R3HDM1: variants seen among roughly 807,000 people sequenced by gnomAD.
The protein encoded by R3HDM1 is R3H domain containing 1.
In R3HDM1, 46 loss-of-function variants were observed where a neutral mutation model predicts 141.1. That is an observed-to-expected ratio of 0.33 (90% confidence interval 0.26 to 0.42). The LOEUF (loss-of-function observed/expected upper bound fraction) is 0.42, where lower values mean the gene tolerates loss of function less well. R3HDM1 is among the 10% of genes least tolerant of loss of function. The pLI is 1.00. For missense variants in R3HDM1, 1,184 were observed against 1,368.3 expected (o/e 0.87, Z 2.12); for synonymous variants, 435 against 472.9 (o/e 0.92, Z 1.04).
chr2:135,710,007 C>A, intron 22 of R3HDM1, 52 bp from the exon 23 acceptor site: 1 of 1,529,192 alleles, frequency 6.5e-7, no homozygotes. Context: ...TCAGAAACAC[C>A]AACTAGTTGC....
At chr2:135,628,610 CCTTT>C (rs2062294290) in intron 7 of R3HDM1, among the ~76,000 whole-genome samples, 1 of 152,028 alleles carries the variant, frequency 6.6e-6, no homozygotes, top group Non-Finnish European at 1.5e-5. Context: ...TAAGTTGCCT[CCTTT>C]CTTGTTTGTT....
intron 18 of R3HDM1, among the ~76,000 whole-genome samples, chr2:135,657,651 A>G (rs986407587): frequency 6.6e-6 from 1 of 152,048 alleles, no homozygotes; most frequent in Non-Finnish European, 1.5e-5. Flanking sequence ...ATCTCCACAG[A>G]TCTCTGTTCT....
intron 19 of R3HDM1, chr2:135,667,523 T>C (rs567517470): frequency 1.7e-5 from 10 of 585,556 alleles, no homozygotes; most frequent in East Asian, 2.9e-4. Context: ...ATAAAAGATA[T>C]AGTGTTTTCC....
Position 135,724,094 on chromosome 2 carries a change from T to G in R3HDM1, c.3207T>G (p.Ser1069Arg), listed in dbSNP as rs200059770. The stretch of plus-strand genomic sequence containing the variant: ...GTCGTCACCCCCTCTGCTGTGGCAG[T>G]GGGGACAACACTGCCAACCCTGAAC... The part of the protein sequence containing the change: ...QPRRHPLCCG[S>R]GDNTANPERS... Residue 1069 changes from serine (S) to arginine (R), a missense_variant, in exon 27 of 27, where the codon AGT becomes AGG. By Grantham distance (110) the Ser-to-Arg change is moderately radical. Transcript: ENST00000683871. The G allele has an allele frequency of 3.1e-6, 5 of 1,613,968 alleles. No homozygotes were observed. In the East Asian group the frequency reaches 6.7e-5, roughly 22 times the overall value.
intron 1 of R3HDM1, chr2:135,559,082 TGTGTGTGTGTGCATGC>T (rs1701307675): frequency 1.0e-6 from 1 of 953,778 alleles, no homozygotes. Flanking sequence ...TGTGTGTGTG[TGTGTGTGTGTGCATGC>T]GTGTGTGTGT....
chr2:135,684,642 G>T (rs2071013837), intron 21 of R3HDM1, among the ~76,000 whole-genome samples: 1 of 152,170 alleles, frequency 6.6e-6, no homozygotes. Flanking sequence ...TCACAGGCTA[G>T]GGTGTGTTCT....
rs183649046 is a variant in R3HDM1 at position 135,712,837 on chromosome 2, C to T, written c.2736+2606C>T. On this transcript the variant is annotated intron_variant, in intron 23 of 26. Coordinates refer to ENST00000683871, the MANE Select transcript of R3HDM1 (RefSeq NM_001378107.1). ...TTGGGAGGCTGAGGCAGGAGAATGG[C>T]GTGAACCTGGGAGGCGGAGCTTGCA... is the stretch of plus-strand genomic sequence containing the variant. Among the ~76,000 whole-genome samples, 1,495 of 151,978 alleles carry T rather than the reference C, an allele frequency of 9.8e-3. 22 individuals carry two copies. Among genetic ancestry groups the T allele is most frequent in the African/African-American group, 0.034 (1,422 of 41,470 alleles).
intron 1 of R3HDM1, among the ~76,000 whole-genome samples, chr2:135,542,891 A>G (rs1348214994): frequency 1.3e-5 from 2 of 152,142 alleles, no homozygotes; most frequent in African/African-American, 4.8e-5. Flanking sequence ...AGTGTGTGCC[A>G]CCATGCTGCT....
chr2:135,620,471 G>A (rs2105173906), intron 5 of R3HDM1: 1 of 975,526 alleles, frequency 1.0e-6, no homozygotes, highest in African/African-American at 1.8e-5. Context: ...TGTCATCCTA[G>A]TAAAAACTGC....
chr2:135,704,322 C>A (rs1480400269), intron 21 of R3HDM1, among the ~76,000 whole-genome samples: 2 of 152,044 alleles, frequency 1.3e-5, no homozygotes, highest in Non-Finnish European at 2.9e-5. Flanking sequence ...TAAACATCTT[C>A]AAATGGCCAT....
rs902453868 is a variant in R3HDM1, at chr2:135,641,931, C to G, written c.1474+141C>G. On this transcript the variant is annotated intron_variant, in intron 15 of 26. Coordinates refer to ENST00000683871, the MANE Select transcript of R3HDM1 (RefSeq NM_001378107.1). Reference sequence around the variant, plus strand: ...TTCCAAGAACTTTATAACAAAAACACTTAATGCTAGGGAAGTTTCAAAGAC... The same window carrying G: ...TTCCAAGAACTTTATAACAAAAACAGTTAATGCTAGGGAAGTTTCAAAGAC... The G allele has an allele frequency of 1.1e-5, 12 of 1,103,692 alleles. No individual in the cohort carries two copies. In the African/African-American group the frequency reaches 1.9e-4, roughly 18 times the overall value. 68.4% of individuals were successfully genotyped at this position (1,103,692 alleles called of 1,614,324 possible).
chr2:135,602,531 G>A lies in R3HDM1; in HGVS notation c.-218G>A. On this transcript the variant is annotated 5_prime_UTR_variant, in exon 2 of 27. Coordinates refer to ENST00000683871, the MANE Select transcript of R3HDM1 (RefSeq NM_001378107.1). Reference sequence around the variant, plus strand: ...GAAAGGTATGATATATTTGATCCAAGACAGTCCATTCCAGTCCGGGAATCT... The same window carrying A: ...GAAAGGTATGATATATTTGATCCAAAACAGTCCATTCCAGTCCGGGAATCT... 1 of 1,416,320 alleles carries A rather than the reference G, an allele frequency of 7.1e-7. No individual in the cohort carries two copies. Among genetic ancestry groups the A allele is most frequent in the East Asian group, 2.7e-5 (1 of 36,582 alleles). The allele number at this position is 1,416,320 out of a possible 1,614,324, so 87.7% of individuals were successfully genotyped here. A position where few individuals can be genotyped will look rare whatever the true frequency, so the allele number is the denominator to read the frequency against.
At chr2:135,541,851 TAAAAAAAAAAA>T (rs10558924) in intron 1 of R3HDM1, among the ~76,000 whole-genome samples, 24 of 121,922 alleles carry the variant, frequency 2.0e-4, no homozygotes, top group African/African-American at 6.7e-4. Flanking sequence ...TTCAATTTGT[TAAAAAAAAAAA>T]AAAAAAAAAG....
In R3HDM1 at chr2:135,566,694, A is replaced by G. The variant is rs563144981; in HGVS notation, c.-250+35061A>G. On this transcript the variant is annotated intron_variant, in intron 1 of 26. Coordinates refer to ENST00000683871, the MANE Select transcript of R3HDM1 (RefSeq NM_001378107.1). ...TAATTAGAAGGCTGTTTGGTGAGCA[A>G]GAGGTTCAGATTAAGGTTTGTTAGT... is the stretch of plus-strand genomic sequence containing the variant. 24 of 967,304 alleles carry G rather than the reference A, an allele frequency of 2.5e-5. 1 individual carries two copies. In the East Asian group the frequency reaches 6.9e-4, roughly 28 times the overall value. The allele number at this position is 967,304 out of a possible 1,614,324, so 59.9% of individuals were successfully genotyped here.
chr2:135,655,129 C>T (rs2065667043), intron 18 of R3HDM1, among the ~76,000 whole-genome samples: 2 of 151,826 alleles, frequency 1.3e-5, no homozygotes, highest in Admixed American at 1.3e-4. Flanking sequence ...AATTGGTTGT[C>T]CTGTCTTTTA....
At chr2:135,579,854 T>C (rs1706393598) in intron 1 of R3HDM1, among the ~76,000 whole-genome samples, 1 of 152,224 alleles carries the variant, frequency 6.6e-6, no homozygotes, top group Non-Finnish European at 1.5e-5. Context: ...AATTGTACTA[T>C]AATTTTGTAA....
At chr2:135,710,010 C>G in intron 22 of R3HDM1, 49 bp from the exon 23 acceptor site, 1 of 1,534,994 alleles carries the variant, frequency 6.5e-7, no homozygotes, top group Non-Finnish European at 8.9e-7. Flanking sequence ...GAAACACCAA[C>G]TAGTTGCTAA....
At chr2:135,642,840 CTCTTA>C (rs2063947375) in intron 15 of R3HDM1, among the ~76,000 whole-genome samples, 1 of 152,022 alleles carries the variant, frequency 6.6e-6, no homozygotes, top group African/African-American at 2.4e-5. Flanking sequence ...ACATTTGTTT[CTCTTA>C]TAAGTATTAA....
intron 1 of R3HDM1, among the ~76,000 whole-genome samples, chr2:135,595,996 C>CTTCTTT (rs1415200553): frequency 6.6e-6 from 1 of 151,972 alleles, no homozygotes; most frequent in African/African-American, 2.4e-5. Context: ...TACTAAGTTT[C>CTTCTTT]TTCTTTTTCT....
Sources: allele counts gnomAD v4.1 joint callset (sites outside exome capture counted in the v4.1 genomes callset), GRCh38; gene constraint gnomAD v4.1.1; transcripts MANE v1.5; gene names NCBI Gene and HGNC (gene_info 2026-07-23, HGNC 2026-07-21).